The following STXBP5L variants were observed in gnomAD, a reference collection of about 807,000 sequenced individuals.
STXBP5L encodes the protein syntaxin-binding protein 5-like.
STXBP5L carries 65 observed loss-of-function variants against 144.5 expected under a neutral mutation model. The ratio of observed to expected loss-of-function variants is 0.45; its 90% CI spans 0.37 to 0.55. The LOEUF is 0.55. Ranked by LOEUF, STXBP5L falls within the 20% of genes least tolerant of loss-of-function variation. The probability of loss-of-function intolerance (pLI) is 0.00; values close to 1 mark genes in which losing one functional copy is unlikely to be tolerated. For missense variants in STXBP5L, 1,298 were observed against 1,405.5 expected, an observed-to-expected ratio of 0.92 and a Z score of 1.22; for synonymous variants, 505 against 469.6, an observed-to-expected ratio of 1.08 and a Z score of -0.97.
At chr3:120,909,189 T>TCGG in intron 1 of STXBP5L, 1 of 164,888 alleles carries the variant, frequency 6.1e-6, no homozygotes. Flanking sequence ...AGACAGAGTC[T>TCGG]TGGTCTGTTG....
At position 121,007,445 on chromosome 3, in the gene STXBP5L, G is replaced by A. The variant is rs184889723; in HGVS notation, c.288-34255G>A. ...TATTCTATATTTGGGAAGAGTTTGT[G>A]TGAAATTAGTGTTTTTTTAATTCCT... On this transcript the variant is annotated intron_variant, in intron 3 of 26. Coordinates refer to ENST00000471454, the MANE Select transcript of STXBP5L (RefSeq NM_001308330.2). Among the ~76,000 whole-genome samples the A allele has an allele frequency of 8.5e-4, 130 of 152,050 alleles. 1 individual carries two copies. Among genetic ancestry groups the A allele is most frequent in the Admixed American group, 2.4e-3 (36 of 15,234 alleles).
At chr3:121,042,073 C>T (rs1029039995) in intron 4 of STXBP5L, among the ~76,000 whole-genome samples, 1 of 151,860 alleles carries the variant, frequency 6.6e-6, no homozygotes, top group African/African-American at 2.4e-5. Flanking sequence ...CTTCACTGGC[C>T]ATTAATTTTT....
chr3:121,005,311 T>G (rs1177238377), intron 3 of STXBP5L, among the ~76,000 whole-genome samples: 1 of 152,234 alleles, frequency 6.6e-6, no homozygotes, highest in Non-Finnish European at 1.5e-5. Context: ...TTTATCCATT[T>G]CTTCTAGATT....
chr3:121,003,087 G>A (rs901660562), intron 3 of STXBP5L, among the ~76,000 whole-genome samples: 10 of 152,056 alleles, frequency 6.6e-5, no homozygotes, highest in Non-Finnish European at 1.3e-4. Context: ...GGGATGGCTG[G>A]GTCAAATGGT....
intron 20 of STXBP5L, among the ~76,000 whole-genome samples, chr3:121,378,025 T>C (rs985822512): frequency 2.6e-5 from 4 of 152,078 alleles, no homozygotes; most frequent in Non-Finnish European, 5.9e-5. Flanking sequence ...TGCAGGGAAA[T>C]GGATGAAGCT....
chr3:121,390,262 A>ACTTT (rs2046544944), intron 22 of STXBP5L, among the ~76,000 whole-genome samples: 1 of 151,750 alleles, frequency 6.6e-6, no homozygotes, highest in Non-Finnish European at 1.5e-5. Context: ...CCATCCCTTT[A>ACTTT]CTTTGAGCCT....
chr3:121,377,096 C>T (rs6775865), intron 20 of STXBP5L, among the ~76,000 whole-genome samples: 120,191 of 152,106 alleles, frequency 0.79, 47,617 homozygotes, highest in East Asian at 0.89. Flanking sequence ...GAGACTTTGC[C>T]GAAGTTGCTT....
chr3:120,916,653 G>A (rs77968648), intron 2 of STXBP5L, among the ~76,000 whole-genome samples: 18,257 of 152,074 alleles, frequency 0.12, 1,158 homozygotes, highest in Non-Finnish European at 0.14. Flanking sequence ...GCATAAAATC[G>A]ACATCTTATT....
intron 7 of STXBP5L, among the ~76,000 whole-genome samples, chr3:121,138,181 A>C (rs1400932759): frequency 6.6e-6 from 1 of 152,108 alleles, no homozygotes; most frequent in Non-Finnish European, 1.5e-5. Context: ...TATCCATTAA[A>C]AAAACTGGGA....
rs547797626 is a variant in STXBP5L at position 121,352,330 on chromosome 3, T to C, written c.2177-26386T>C. 2.0e-5 allele frequency among the ~76,000 whole-genome samples: 3 copies of C among 152,278 alleles called. No homozygotes were observed. In the South Asian group the frequency reaches 6.2e-4, roughly 32 times the overall value. On this transcript the variant is annotated intron_variant, in intron 20 of 26. Coordinates refer to ENST00000471454, the MANE Select transcript of STXBP5L (RefSeq NM_001308330.2). Reference sequence around the variant, plus strand: ...CCTATCCATGAGTATGGAATGTTCTTCCATTTGATTGTGTCTTCTTTATTT... The same window carrying C: ...CCTATCCATGAGTATGGAATGTTCTCCCATTTGATTGTGTCTTCTTTATTT...
At chr3:121,084,548 T>A (rs1016173101) in intron 5 of STXBP5L, among the ~76,000 whole-genome samples, 4 of 152,254 alleles carry the variant, frequency 2.6e-5, no homozygotes, top group Non-Finnish European at 5.9e-5. Flanking sequence ...CATTCCTTTT[T>A]ATGGTTGCAT....
At chr3:121,412,740 AAAAAAAAAAC>A (rs1576375243) in intron 23 of STXBP5L, among the ~76,000 whole-genome samples, 3 of 148,718 alleles carry the variant, frequency 2.0e-5, no homozygotes, top group East Asian at 1.9e-4. Context: ...AAAAAAAAAA[AAAAAAAAAAC>A]AAAAGAAAAA....
rs1347844881 is a variant in STXBP5L at position 121,419,311 on chromosome 3, C to A, written c.*214C>A. On this transcript the variant is annotated 3_prime_UTR_variant, in exon 27 of 27. Transcript: ENST00000471454. ...AATCCCAAAATACGGCTGAATTTGC[C>A]TTTTCCCATGTGGAATGGAGCTATC... The A allele has an allele frequency of 4.3e-6, 2 of 463,416 alleles. No individual in the cohort carries two copies. The highest frequency in any genetic ancestry group is 7.5e-6 in the Non-Finnish European group (2 of 266,804). The allele number at this position is 463,416 out of a possible 1,614,324, so 28.7% of individuals were successfully genotyped here. A position where few individuals can be genotyped will look rare whatever the true frequency, so the allele number is the denominator to read the frequency against.
At chr3:121,183,122 T>C (rs1426908832) in intron 9 of STXBP5L, among the ~76,000 whole-genome samples, 1 of 152,056 alleles carries the variant, frequency 6.6e-6, no homozygotes, top group Non-Finnish European at 1.5e-5. Context: ...CTCACAAAAT[T>C]GGCATAGAAA....
At chr3:120,995,131 G>T (rs577065868) in intron 3 of STXBP5L, among the ~76,000 whole-genome samples, 60 of 151,936 alleles carry the variant, frequency 3.9e-4, no homozygotes, top group Non-Finnish European at 7.8e-4. Context: ...AGTGTTTTCT[G>T]CTTGTTTTCT....
chr3:121,112,162 G>A (rs1159240555), intron 5 of STXBP5L, among the ~76,000 whole-genome samples: 1 of 151,780 alleles, frequency 6.6e-6, no homozygotes, highest in Non-Finnish European at 1.5e-5. Context: ...TAGGCAACAG[G>A]CAGCTGCAAT....
chr3:120,977,373 C>T (rs948765898), intron 3 of STXBP5L, among the ~76,000 whole-genome samples: 6 of 152,080 alleles, frequency 3.9e-5, no homozygotes, highest in Admixed American at 2.0e-4. Flanking sequence ...GCAACCCCTG[C>T]CTTTTTTTGT....
chr3:121,107,677 A>G (rs947771197), intron 5 of STXBP5L, among the ~76,000 whole-genome samples: 1 of 151,778 alleles, frequency 6.6e-6, no homozygotes, highest in Non-Finnish European at 1.5e-5. Flanking sequence ...TTTGCTTAGA[A>G]TTTTCTTGGT....
intron 3 of STXBP5L, among the ~76,000 whole-genome samples, chr3:121,007,336 A>T (rs976742698): frequency 6.6e-6 from 1 of 151,970 alleles, no homozygotes; most frequent in African/African-American, 2.4e-5. Context: ...ATTTGTCTGT[A>T]GCTTTCTTTT....
Sources: gnomAD v4.1 joint callset for allele counts (sites outside exome capture counted in the v4.1 genomes callset) on GRCh38, gnomAD v4.1.1 for gene constraint, MANE v1.5 for transcripts, NCBI Gene and HGNC (gene_info 2026-07-23, HGNC 2026-07-21) for gene names.